The following XKR9 variants were observed in gnomAD, a reference collection of about 807,000 sequenced individuals.
XKR9 encodes XK related 9.
Under a neutral mutation model 32.0 loss-of-function variants are expected in XKR9, and 32 were observed. The ratio of observed to expected loss-of-function variants is 1.00; its 90% confidence interval spans 0.76 to 1.34. The LOEUF is 1.34. Among genes scored for constraint, XKR9 ranks in the 40% most tolerant of loss-of-function variants. XKR9 has a pLI of 0.00. For missense variants in XKR9, 546 were observed against 429.7 expected (o/e 1.27, Z -2.39); for synonymous variants, 168 against 143.4 (o/e 1.17, Z -1.22).
chr8:70,830,062 A>G, the XKR9 span, among the ~76,000 whole-genome samples: 1 of 152,152 alleles, frequency 6.6e-6, no homozygotes, highest in Admixed American at 6.5e-5. Context: ...CATATTGGTT[A>G]TAAATGTTTC....
intron 2 of XKR9, among the ~76,000 whole-genome samples, chr8:70,778,850 T>A (rs1807570986): frequency 6.6e-6 from 1 of 152,192 alleles, no homozygotes; most frequent in Non-Finnish European, 1.5e-5. Flanking sequence ...GATTTTGGGC[T>A]GAGACGATGG....
At chr8:70,984,729 A>T in the XKR9 span, among the ~76,000 whole-genome samples, 1 of 152,244 alleles carries the variant, frequency 6.6e-6, no homozygotes, top group Non-Finnish European at 1.5e-5. Flanking sequence ...CATTCTATTC[A>T]TTAAGTACCT....
At chr8:70,771,784 C>A (rs1292320264) in intron 2 of XKR9, among the ~76,000 whole-genome samples, 2 of 152,158 alleles carry the variant, frequency 1.3e-5, no homozygotes, top group Admixed American at 1.3e-4. Flanking sequence ...CCCAGTCTCA[C>A]TTGTCAAGCT....
At chr8:70,688,421 AT>A (rs561074619) in intron 3 of XKR9, among the ~76,000 whole-genome samples, 3,029 of 144,504 alleles carry the variant, frequency 0.021, 36 homozygotes, top group Non-Finnish European at 0.033. Context: ...CACAGGCCAC[AT>A]TTTTTTTTTT....
At chr8:70,804,798 TG>T in the XKR9 span, among the ~76,000 whole-genome samples, 3 of 152,260 alleles carry the variant, frequency 2.0e-5, no homozygotes, top group African/African-American at 4.8e-5. Flanking sequence ...TTATCATTTT[TG>T]TCTTTACTTC....
the XKR9 span, among the ~76,000 whole-genome samples, chr8:70,844,198 T>C: frequency 6.6e-6 from 1 of 152,198 alleles, no homozygotes; most frequent in Non-Finnish European, 1.5e-5. Context: ...CAAGCTATGC[T>C]GCCATCTGCA....
intron 3 of XKR9, among the ~76,000 whole-genome samples, chr8:70,700,240 TGGA>T (rs1805469315): frequency 6.6e-6 from 1 of 152,352 alleles, no homozygotes; most frequent in African/African-American, 2.4e-5. Flanking sequence ...TGCGTTCCTT[TGGA>T]GGAGGACAGG....
At chr8:71,011,027 A>G in the XKR9 span, among the ~76,000 whole-genome samples, 1 of 152,194 alleles carries the variant, frequency 6.6e-6, no homozygotes, top group Non-Finnish European at 1.5e-5. Context: ...TATCTCAACT[A>G]CAATGACTGG....
chr8:71,050,710 A>G, the XKR9 span, among the ~76,000 whole-genome samples: 1 of 152,144 alleles, frequency 6.6e-6, no homozygotes, highest in African/African-American at 2.4e-5. Flanking sequence ...CATAGACAAC[A>G]CATGGGGGAA....
At chr8:70,820,786 C>A in the XKR9 span, among the ~76,000 whole-genome samples, 1 of 152,164 alleles carries the variant, frequency 6.6e-6, no homozygotes, top group African/African-American at 2.4e-5. Flanking sequence ...CTCATTATCA[C>A]ATGAAGAGCA....
chr8:70,973,823 G>T, the XKR9 span, among the ~76,000 whole-genome samples: 1 of 152,150 alleles, frequency 6.6e-6, no homozygotes, highest in Non-Finnish European at 1.5e-5. Flanking sequence ...TCGTTGGAGA[G>T]AGTACTTGAT....
the XKR9 span, among the ~76,000 whole-genome samples, chr8:70,820,766 T>C: frequency 6.6e-6 from 1 of 152,108 alleles, no homozygotes; most frequent in South Asian, 2.1e-4. Context: ...TCAGATATCG[T>C]GAGAACTCGC....
the XKR9 span, among the ~76,000 whole-genome samples, chr8:70,878,887 T>A: frequency 2.0e-5 from 3 of 152,122 alleles, no homozygotes; most frequent in Non-Finnish European, 2.9e-5. Flanking sequence ...TACTCCAAAA[T>A]TGACCACATA....
chr8:70,681,475 A>G, intron 3 of XKR9, 145 bp downstream of exon 3: 2 of 948,584 alleles, frequency 2.1e-6, no homozygotes, highest in Non-Finnish European at 1.5e-6. Context: ...CTATTGTGCT[A>G]ATATAAGTCA....
chr8:70,906,642 G>A, the XKR9 span, among the ~76,000 whole-genome samples: 1 of 152,136 alleles, frequency 6.6e-6, no homozygotes, highest in Non-Finnish European at 1.5e-5. Flanking sequence ...TAAATTATGT[G>A]CCATTCAGCT....
At chr8:70,862,575 A>G in the XKR9 span, among the ~76,000 whole-genome samples, 2 of 118,186 alleles carry the variant, frequency 1.7e-5, no homozygotes, top group Admixed American at 8.2e-5. Flanking sequence ...TTTTTCTTAG[A>G]GGCAGTATGG....
chr8:71,003,186 T>G, the XKR9 span, among the ~76,000 whole-genome samples: 1 of 152,208 alleles, frequency 6.6e-6, no homozygotes, highest in Non-Finnish European at 1.5e-5. Flanking sequence ...TTATACAGTT[T>G]TATAACCCTT....
At chr8:70,963,026 A>G in the XKR9 span, among the ~76,000 whole-genome samples, 2 of 152,192 alleles carry the variant, frequency 1.3e-5, no homozygotes. Context: ...TTTGTTACAT[A>G]GGTAAACATG....
At chr8:70,740,072 T>A (rs192590847), downstream of XKR9, among the ~76,000 whole-genome samples, 269 of 152,342 alleles carry the variant, frequency 1.8e-3, 1 homozygote, top group Non-Finnish European at 3.1e-3. Flanking sequence ...TTTTCCAACT[T>A]GGTTCCATTC....
Sources: gnomAD v4.1 joint callset for allele counts (sites outside exome capture counted in the v4.1 genomes callset) on GRCh38, gnomAD v4.1.1 for gene constraint, MANE v1.5 for transcripts, NCBI Gene and HGNC (gene_info 2026-07-23, HGNC 2026-07-21) for gene names.